The following EPHA5 variants were observed in gnomAD, a reference collection of about 807,000 sequenced individuals.
The protein encoded by EPHA5 is EPH receptor A5.
EPHA5 carries 60 observed loss-of-function variants against 105.0 expected under a neutral mutation model. That is an observed-to-expected ratio of 0.57 (90% CI 0.46 to 0.71). EPHA5 has a LOEUF of 0.71. EPHA5 is among the 30% of genes least tolerant of loss of function. The pLI is 0.00. For synonymous variants in EPHA5, 513 were observed against 449.1 expected, an observed-to-expected ratio of 1.14 and a Z score of -1.80; for missense variants, 1,218 against 1,274.7, an observed-to-expected ratio of 0.96 and a Z score of 0.68.
chr4:65,633,486 G>T (rs956566039), intron 2 of EPHA5, among the ~76,000 whole-genome samples: 18 of 151,998 alleles, frequency 1.2e-4, no homozygotes, highest in African/African-American at 4.3e-4. Flanking sequence ...TAAATGGGAA[G>T]ATGGAAGGAA....
intron 3 of EPHA5, among the ~76,000 whole-genome samples, chr4:65,504,579 A>G (rs1560617694): frequency 6.6e-6 from 1 of 151,916 alleles, no homozygotes. Context: ...TTATGGAAAG[A>G]CATTCTGTAG....
intron 6 of EPHA5, 115 bp downstream of exon 6, chr4:65,420,326 T>A (rs566083300): frequency 1.9e-6 from 2 of 1,035,094 alleles, no homozygotes; most frequent in Admixed American, 2.6e-5. Context: ...GCAGAATCAA[T>A]TGTCATTGAT....
rs117453007 is a variant in EPHA5 at position 65,369,049 on chromosome 4, C to T, written c.1794-1625G>A. 5.2e-4 allele frequency among the ~76,000 whole-genome samples: 79 copies of T among 152,248 alleles called. No homozygotes were observed. The East Asian group carries it at 0.013, about 25-fold the overall frequency. Reference sequence around the variant, plus strand: ...ATGCTGCAGCATAGTCATTTGAGTGCGCTTGTTGGCTTCCTTACTGCTTTT... The same window carrying T: ...ATGCTGCAGCATAGTCATTTGAGTGTGCTTGTTGGCTTCCTTACTGCTTTT... On this transcript the variant is annotated intron_variant, in intron 8 of 16. Coordinates refer to ENST00000613740, the MANE Select transcript of EPHA5 (RefSeq NM_001281766.3).
At chr4:65,375,279 A>C (rs1311446094) in intron 8 of EPHA5, among the ~76,000 whole-genome samples, 1 of 151,782 alleles carries the variant, frequency 6.6e-6, no homozygotes, top group Non-Finnish European at 1.5e-5. Flanking sequence ...TTTGTGGCTA[A>C]ATCTTTTTTA....
chr4:65,335,478 T>C (rs1721085364), intron 15 of EPHA5, among the ~76,000 whole-genome samples: 1 of 151,950 alleles, frequency 6.6e-6, no homozygotes, highest in African/African-American at 2.4e-5. Context: ...GTCCCTAAAA[T>C]TGTCAATGTT....
At chr4:65,386,557 C>G (rs777997689) in intron 8 of EPHA5, among the ~76,000 whole-genome samples, 15 of 151,950 alleles carry the variant, frequency 9.9e-5, no homozygotes, top group Non-Finnish European at 1.5e-4. Context: ...CACACAAAAT[C>G]TTTCTCTCAA....
chr4:65,520,076 C>A (rs1734529731), intron 3 of EPHA5, among the ~76,000 whole-genome samples: 1 of 152,132 alleles, frequency 6.6e-6, no homozygotes, highest in South Asian at 2.1e-4. Flanking sequence ...CCAAGACAAT[C>A]CTAAGCCAAA....
intron 5 of EPHA5, among the ~76,000 whole-genome samples, chr4:65,465,536 G>GAAA (rs1728615389): frequency 2.3e-4 from 16 of 69,210 alleles, no homozygotes; most frequent in East Asian, 9.5e-4. Flanking sequence ...AGAAAAGAAA[G>GAAA]GAAAGGAAGG....
intron 3 of EPHA5, among the ~76,000 whole-genome samples, chr4:65,595,540 GCTACC>G (rs1743083382): frequency 6.6e-6 from 1 of 151,624 alleles, no homozygotes; most frequent in South Asian, 2.1e-4. Flanking sequence ...ATAACCTGTA[GCTACC>G]CTTTATTTTA....
At chr4:65,625,509 T>C (rs1232921405) in intron 2 of EPHA5, among the ~76,000 whole-genome samples, 4 of 152,168 alleles carry the variant, frequency 2.6e-5, no homozygotes, top group Admixed American at 1.3e-4. Context: ...AAGAATAAGA[T>C]ATCAAACATT....
chr4:65,471,227 A>G (rs941901242), intron 5 of EPHA5, among the ~76,000 whole-genome samples: 15 of 152,312 alleles, frequency 9.8e-5, no homozygotes, highest in African/African-American at 3.6e-4. Flanking sequence ...TCCTAGAAAA[A>G]CAGACATAAA....
intron 14 of EPHA5, among the ~76,000 whole-genome samples, chr4:65,338,081 AC>A (rs1191554644): frequency 6.6e-6 from 1 of 152,094 alleles, no homozygotes; most frequent in African/African-American, 2.4e-5. Flanking sequence ...AAATAATAAA[AC>A]AACAGATACA....
At chr4:65,536,374 G>A (rs1736286917) in intron 3 of EPHA5, among the ~76,000 whole-genome samples, 1 of 151,838 alleles carries the variant, frequency 6.6e-6, no homozygotes, top group Admixed American at 6.6e-5. Context: ...ATTTAACAAT[G>A]TGTTATAGGA....
intron 3 of EPHA5, among the ~76,000 whole-genome samples, chr4:65,519,370 A>T (rs936700357): frequency 1.2e-4 from 18 of 152,210 alleles, no homozygotes; most frequent in Non-Finnish European, 5.9e-5. Flanking sequence ...TATTGATAGG[A>T]TGTATCTCAA....
At chr4:65,347,342 A>C (rs1259301352) in intron 14 of EPHA5, among the ~76,000 whole-genome samples, 1 of 152,216 alleles carries the variant, frequency 6.6e-6, no homozygotes, top group East Asian at 1.9e-4. Context: ...TGTTTCTCAA[A>C]ATAAAAATAT....
chr4:65,506,863 A>T (rs959256230), intron 3 of EPHA5, among the ~76,000 whole-genome samples: 2 of 152,036 alleles, frequency 1.3e-5, no homozygotes, highest in Non-Finnish European at 2.9e-5. Flanking sequence ...CTTTAGTTTA[A>T]TTAGATCCCA....
intron 8 of EPHA5, among the ~76,000 whole-genome samples, chr4:65,389,528 A>C (rs1221236610): frequency 6.6e-6 from 1 of 152,074 alleles, no homozygotes; most frequent in African/African-American, 2.4e-5. Flanking sequence ...AATTGAATTA[A>C]ATGATTAAAT....
At chr4:65,545,889 G>T (rs899169863) in intron 3 of EPHA5, among the ~76,000 whole-genome samples, 4 of 151,876 alleles carry the variant, frequency 2.6e-5, no homozygotes, top group Non-Finnish European at 5.9e-5. Context: ...TGACACATTT[G>T]CATGAGTCTA....
At chr4:65,655,171 A>G (rs76498927) in intron 1 of EPHA5, among the ~76,000 whole-genome samples, 35,268 of 151,774 alleles carry the variant, frequency 0.23, 4,973 homozygotes, top group Middle Eastern at 0.38. Flanking sequence ...TATTAACAAT[A>G]GAAACCATTT....
Sources: gnomAD v4.1 joint callset for allele counts (sites outside exome capture counted in the v4.1 genomes callset) on GRCh38, gnomAD v4.1.1 for gene constraint, MANE v1.5 for transcripts, NCBI Gene and HGNC (gene_info 2026-07-23, HGNC 2026-07-21) for gene names.